The following LMBR1 variants were observed in gnomAD, a reference collection of about 807,000 sequenced individuals.
The protein encoded by LMBR1 is limb region 1 protein homolog.
Under a neutral mutation model 73.9 loss-of-function variants are expected in LMBR1, and 52 were observed. That is an observed-to-expected ratio of 0.70 (90% CI 0.56 to 0.89). The LOEUF (loss-of-function observed/expected upper bound fraction) is 0.89. Among genes scored for constraint, LMBR1 ranks in the 40% least tolerant of loss-of-function variants. The pLI is 0.00. For missense variants in LMBR1, 539 were observed against 579.8 expected, an observed-to-expected ratio of 0.93 and a Z score of 0.72; for synonymous variants, 215 against 209.4, an observed-to-expected ratio of 1.03 and a Z score of -0.23.
chr7:156,837,410 GAAA>G (rs1178783598), intron 1 of LMBR1, among the ~76,000 whole-genome samples: 1 of 122,662 alleles, frequency 8.2e-6, no homozygotes, highest in African/African-American at 2.9e-5. Context: ...AATACCATTT[GAAA>G]AAAAAAAAAA....
chr7:156,840,120 T>A (rs1180249262), intron 1 of LMBR1, among the ~76,000 whole-genome samples: 1 of 152,228 alleles, frequency 6.6e-6, no homozygotes, highest in African/African-American at 2.4e-5. Context: ...CATTCACATT[T>A]TATTCATTCA....
At chr7:156,738,533 C>T (rs1248432839) in intron 9 of LMBR1, among the ~76,000 whole-genome samples, 1 of 152,194 alleles carries the variant, frequency 6.6e-6, no homozygotes, top group Non-Finnish European at 1.5e-5. Context: ...CCACCAACCC[C>T]AGGCAGCAGA....
Position 156,680,883 on chromosome 7 carries a change from ACT to A in LMBR1, c.*3193_*3194del. 4.3e-6 allele frequency: 1 copy of A among 235,104 alleles called. No homozygotes were observed. Among genetic ancestry groups the A allele is most frequent in the Non-Finnish European group, 8.3e-6 (1 of 120,898 alleles). 14.6% of individuals were successfully genotyped at this position (235,104 alleles called of 1,614,324 possible). On this transcript the variant is annotated 3_prime_UTR_variant, in exon 17 of 17. Coordinates refer to ENST00000353442, the MANE Select transcript of LMBR1 (RefSeq NM_022458.4). ...ATGCTTATAAACCAAATATGAAATCACTTTTTGTACAACTTTTAATTTCTAAG... is the reference window on the plus strand; with the variant it reads ...ATGCTTATAAACCAAATATGAAATCATTTTGTACAACTTTTAATTTCTAAG...
intron 3 of LMBR1, among the ~76,000 whole-genome samples, chr7:156,832,394 A>T (rs1272673519): frequency 6.6e-6 from 1 of 152,200 alleles, no homozygotes; most frequent in Admixed American, 6.5e-5. Context: ...ACAATGTTGC[A>T]CAATCACCTC....
intron 4 of LMBR1, chr7:156,823,505 G>A (rs1373827834): frequency 6.6e-6 from 1 of 152,152 alleles, no homozygotes; most frequent in Non-Finnish European, 1.5e-5. Flanking sequence ...ACAGTTTACT[G>A]GTGAAGTGAA....
chr7:156,881,272 G>A (rs1461613022), intron 1 of LMBR1, among the ~76,000 whole-genome samples: 2 of 152,046 alleles, frequency 1.3e-5, no homozygotes, highest in Non-Finnish European at 2.9e-5. Context: ...AATGGTGTTG[G>A]GAAAACTGGA....
intron 1 of LMBR1, among the ~76,000 whole-genome samples, chr7:156,889,049 G>C (rs1224388188): frequency 1.3e-5 from 2 of 149,382 alleles, no homozygotes; most frequent in Admixed American, 6.7e-5. Flanking sequence ...GAAAGACTCT[G>C]TCTCAAAAAA....
intron 1 of LMBR1, among the ~76,000 whole-genome samples, chr7:156,886,104 T>C (rs1801859605): frequency 6.6e-6 from 1 of 150,428 alleles, no homozygotes; most frequent in Non-Finnish European, 1.5e-5. Flanking sequence ...GCCTGGGAGA[T>C]AGAGGCTACA....
At chr7:156,750,920 G>C (rs185599579) in intron 9 of LMBR1, among the ~76,000 whole-genome samples, 1 of 152,114 alleles carries the variant, frequency 6.6e-6, no homozygotes. Flanking sequence ...GACCAGCCTG[G>C]GCAATATGGC....
chr7:156,806,103 T>TAAAGA (rs140458750), intron 4 of LMBR1, among the ~76,000 whole-genome samples: 4,839 of 152,296 alleles, frequency 0.032, 122 homozygotes, highest in South Asian at 0.084. Context: ...CCCAAACTGA[T>TAAAGA]AAAGTGTCTT....
chr7:156,867,910 T>C (rs1798697820), intron 1 of LMBR1, among the ~76,000 whole-genome samples: 1 of 152,138 alleles, frequency 6.6e-6, no homozygotes, highest in Non-Finnish European at 1.5e-5. Flanking sequence ...GGATAAATTA[T>C]ATGGTATGTG....
chr7:156,732,215 G>C (rs534705664), intron 10 of LMBR1, among the ~76,000 whole-genome samples: 130 of 152,224 alleles, frequency 8.5e-4, no homozygotes, highest in African/African-American at 3.0e-3. Flanking sequence ...TGAAACAACA[G>C]TTTTCAAGAC....
chr7:156,892,563 C>G (rs1208546297), intron 1 of LMBR1: 1 of 182,546 alleles, frequency 5.5e-6, no homozygotes. Context: ...GAGGAAGCCC[C>G]TGGGGTCCCA....
chr7:156,793,114 T>A (rs1446648807), intron 5 of LMBR1, among the ~76,000 whole-genome samples: 2 of 152,200 alleles, frequency 1.3e-5, no homozygotes. Context: ...TCGCCAAATA[T>A]GTTAAACATT....
rs1554456626 is a variant in LMBR1 at position 156,680,399 on chromosome 7, A to AGAGAGAGT, written c.*3678_*3679insACTCTCTC. On this transcript the variant is annotated 3_prime_UTR_variant, in exon 17 of 17. Coordinates refer to ENST00000353442, the MANE Select transcript of LMBR1 (RefSeq NM_022458.4). ...GACAGAGAGAGAGAGAGAGAGAGAGAGAGAGTGTGTGTGTGTGTGTGTGTG... is the reference window on the plus strand; with the variant it reads ...GACAGAGAGAGAGAGAGAGAGAGAGAGAGAGAGTGAGAGTGTGTGTGTGTGTGTGTGTG... 1.5e-5 allele frequency: 2 copies of AGAGAGAGT among 136,568 alleles called. No homozygotes were observed. Among genetic ancestry groups the AGAGAGAGT allele is most frequent in the Non-Finnish European group, 3.1e-5 (2 of 64,130 alleles). 8.5% of individuals were successfully genotyped at this position (136,568 alleles called of 1,614,324 possible). A position where few individuals can be genotyped will look rare whatever the true frequency, so the allele number is the denominator to read the frequency against.
intron 4 of LMBR1, among the ~76,000 whole-genome samples, chr7:156,815,375 A>T (rs1358757108): frequency 6.6e-6 from 1 of 152,230 alleles, no homozygotes; most frequent in Admixed American, 6.5e-5. Context: ...AATGACAATG[A>T]CAAAAACCAG....
In LMBR1 at chr7:156,725,758, G is replaced by T. The variant is rs752123817; in HGVS notation, c.1067+6C>A. On this transcript the variant is annotated splice_donor_region_variant and intron_variant, in intron 13 of 16. Transcript: ENST00000353442. ...TAGGCTGAACGTTCAGTTAAAGAAAGGATACAAAATCAAAATGATTTCAAG... is the reference window on the plus strand; with the variant it reads ...TAGGCTGAACGTTCAGTTAAAGAAATGATACAAAATCAAAATGATTTCAAG... The T allele has an allele frequency of 6.2e-7, 1 of 1,610,954 alleles. No individual in the cohort carries two copies. Among genetic ancestry groups the T allele is most frequent in the Non-Finnish European group, 8.5e-7 (1 of 1,178,560 alleles).
rs200677474 is a variant in LMBR1, at chr7:156,684,037, T to C, written c.*41A>G. 8.7e-6 allele frequency: 13 copies of C among 1,487,892 alleles called. No homozygotes were observed. The highest frequency in any genetic ancestry group is 1.1e-5 in the Non-Finnish European group (12 of 1,067,300). The allele number at this position is 1,487,892 out of a possible 1,614,324, so 92.2% of individuals were successfully genotyped here. ...GGACAGGAATGTCGTGAATCTGGAG[T>C]TCTCGGGTCTCTTGGTGGCAGAAGA... is the stretch of plus-strand genomic sequence containing the variant. On this transcript the variant is annotated 3_prime_UTR_variant, in exon 17 of 17. Coordinates refer to ENST00000353442, the MANE Select transcript of LMBR1 (RefSeq NM_022458.4).
chr7:156,704,370 T>C (rs1810450000), intron 15 of LMBR1, among the ~76,000 whole-genome samples: 1 of 152,180 alleles, frequency 6.6e-6, no homozygotes, highest in Non-Finnish European at 1.5e-5. Context: ...TGCAGCGTTT[T>C]TATCACTGCA....
Sources: allele counts gnomAD v4.1 joint callset (sites outside exome capture counted in the v4.1 genomes callset), GRCh38; gene constraint gnomAD v4.1.1; transcripts MANE v1.5; gene names NCBI Gene and HGNC (gene_info 2026-07-23, HGNC 2026-07-21).